Variants in CSMD1 observed in about 807,000 individuals in gnomAD.
CSMD1 encodes CUB and sushi domain-containing protein 1.
A neutral mutation model predicts 417.5 loss-of-function variants in CSMD1; 213 were observed. The ratio of observed to expected loss-of-function variants is 0.51; its 90% confidence interval spans 0.46 to 0.57. The LOEUF is 0.57. Ranked by LOEUF, CSMD1 falls within the 20% of genes least tolerant of loss-of-function variation. The probability of loss-of-function intolerance (pLI) is 0.00; values close to 1 mark genes in which losing one functional copy is unlikely to be tolerated. For synonymous variants in CSMD1, 2,862 were observed against 1,736.8 expected, an observed-to-expected ratio of 1.65 and a Z score of -16.11; for missense variants, 6,923 against 4,529.7, an observed-to-expected ratio of 1.53 and a Z score of -15.17.
intron 5 of CSMD1, among the ~76,000 whole-genome samples, chr8:3,968,416 T>G (rs948615297): frequency 1.3e-5 from 2 of 152,098 alleles, no homozygotes; most frequent in African/African-American, 4.8e-5. Context: ...CCTTCATGGG[T>G]TCACATGGAC....
At chr8:4,712,934 C>T (rs746444907) in intron 1 of CSMD1, among the ~76,000 whole-genome samples, 7 of 152,014 alleles carry the variant, frequency 4.6e-5, no homozygotes, top group Non-Finnish European at 8.8e-5. Flanking sequence ...ATACAAGTCT[C>T]GCAATTAGAA....
chr8:4,287,251 C>A (rs911962589), intron 3 of CSMD1, among the ~76,000 whole-genome samples: 1 of 152,228 alleles, frequency 6.6e-6, no homozygotes. Flanking sequence ...CTAAAAGATT[C>A]CCCCTCACAT....
chr8:4,956,185 G>A (rs1351790808), intron 1 of CSMD1, among the ~76,000 whole-genome samples: 1 of 151,896 alleles, frequency 6.6e-6, no homozygotes. Flanking sequence ...TCTACTTGGG[G>A]CCACTGGAGA....
At chr8:3,988,367 G>C (rs948732384) in intron 5 of CSMD1, among the ~76,000 whole-genome samples, 1 of 152,162 alleles carries the variant, frequency 6.6e-6, no homozygotes, top group Non-Finnish European at 1.5e-5. Flanking sequence ...TTTTCAGTTT[G>C]GAGGAAAACC....
intron 39 of CSMD1, among the ~76,000 whole-genome samples, chr8:3,152,757 A>G (rs1250240848): frequency 6.6e-6 from 1 of 152,196 alleles, no homozygotes; most frequent in Non-Finnish European, 1.5e-5. Context: ...TAACCTCTCA[A>G]GGCGACTTCT....
chr8:4,701,297 G>C (rs1211182718), intron 1 of CSMD1, among the ~76,000 whole-genome samples: 1 of 144,878 alleles, frequency 6.9e-6, no homozygotes, highest in East Asian at 2.0e-4. Flanking sequence ...GGCTGCTTTT[G>C]AGCCATCCTT....
chr8:3,098,292 T>C (rs1815477130), intron 46 of CSMD1, among the ~76,000 whole-genome samples: 1 of 152,260 alleles, frequency 6.6e-6, no homozygotes, highest in African/African-American at 2.4e-5. Flanking sequence ...AAATGTGTGC[T>C]ATTTATACAT....
chr8:3,056,210 G>C (rs957874490), intron 49 of CSMD1, among the ~76,000 whole-genome samples: 2 of 152,152 alleles, frequency 1.3e-5, no homozygotes, highest in Non-Finnish European at 2.9e-5. Flanking sequence ...CTCATGAGAG[G>C]TGTAACAGTT....
At chr8:4,599,700 G>A (rs1443956544) in intron 2 of CSMD1, among the ~76,000 whole-genome samples, 1 of 152,154 alleles carries the variant, frequency 6.6e-6, no homozygotes, top group African/African-American at 2.4e-5. Context: ...TGGCCCAGGT[G>A]ATAGCCAGTC....
At chr8:4,646,203 A>G (rs1585385190) in intron 1 of CSMD1, among the ~76,000 whole-genome samples, 1 of 152,340 alleles carries the variant, frequency 6.6e-6, no homozygotes, top group African/African-American at 2.4e-5. Flanking sequence ...CTCTTCCTCT[A>G]TGCATGGTAG....
chr8:4,250,172 C>T (rs562627191), intron 3 of CSMD1, among the ~76,000 whole-genome samples: 63 of 152,268 alleles, frequency 4.1e-4, no homozygotes, highest in African/African-American at 1.5e-3. Context: ...AACTGTGAAC[C>T]AATACATTTC....
intron 1 of CSMD1, among the ~76,000 whole-genome samples, chr8:4,798,372 T>C (rs956874616): frequency 1.3e-5 from 2 of 152,226 alleles, no homozygotes. Flanking sequence ...TAGTATTCCA[T>C]GGTGTATATG....
chr8:4,058,992 C>A (rs1350605066), intron 3 of CSMD1, among the ~76,000 whole-genome samples: 1 of 151,976 alleles, frequency 6.6e-6, no homozygotes, highest in African/African-American at 2.4e-5. Context: ...AACACAAATT[C>A]TTTTCAGAAC....
chr8:3,924,555 T>C (rs923009811), intron 5 of CSMD1, among the ~76,000 whole-genome samples: 1 of 152,192 alleles, frequency 6.6e-6, no homozygotes, highest in Non-Finnish European at 1.5e-5. Context: ...TTGAAAATTG[T>C]GTATCAGTTT....
chr8:4,589,588 T>G (rs751220725), intron 2 of CSMD1, among the ~76,000 whole-genome samples: 29 of 152,194 alleles, frequency 1.9e-4, no homozygotes, highest in Non-Finnish European at 3.4e-4. Flanking sequence ...TTGCTTGCAT[T>G]ATTAATTGCT....
At chr8:4,609,137 T>G (rs575734087) in intron 2 of CSMD1, among the ~76,000 whole-genome samples, 247 of 152,308 alleles carry the variant, frequency 1.6e-3, no homozygotes, top group African/African-American at 5.8e-3. Flanking sequence ...CGCTGGCTCA[T>G]GCATGTAATC....
At chr8:3,313,166 C>T (rs1008733076) in intron 23 of CSMD1, among the ~76,000 whole-genome samples, 1 of 152,164 alleles carries the variant, frequency 6.6e-6, no homozygotes. Context: ...CATAAAAACT[C>T]TAGAAGAAAA....
chr8:3,297,618 G>A (rs116985481), intron 25 of CSMD1, among the ~76,000 whole-genome samples: 3,003 of 152,224 alleles, frequency 0.02, 31 homozygotes, highest in Non-Finnish European at 0.03. Flanking sequence ...AAAAATCTGT[G>A]ACACTTCAGT....
chr8:4,722,847 C>G (rs929665997), intron 1 of CSMD1, among the ~76,000 whole-genome samples: 1 of 152,102 alleles, frequency 6.6e-6, no homozygotes, highest in African/African-American at 2.4e-5. Context: ...TGGAATGACA[C>G]TGCTTTAGAT....
Sources: gnomAD v4.1 joint callset for allele counts (sites outside exome capture counted in the v4.1 genomes callset) on GRCh38, gnomAD v4.1.1 for gene constraint, MANE v1.5 for transcripts, NCBI Gene and HGNC (gene_info 2026-07-23, HGNC 2026-07-21) for gene names.